Variants in SORCS3 observed in about 807,000 individuals in gnomAD.
The protein encoded by SORCS3 is sortilin related VPS10 domain containing receptor 3, also known as VPS10 domain-containing receptor SorCS3.
In SORCS3, 57 loss-of-function variants were observed where a neutral mutation model predicts 146.3. The observed-to-expected ratio is 0.39, with a 90% CI of 0.31 to 0.49. SORCS3 has a LOEUF of 0.49. Ranked by LOEUF, SORCS3 falls within the 20% of genes least tolerant of loss-of-function variation. The probability of loss-of-function intolerance (pLI) is 0.92; values close to 1 mark genes in which losing one functional copy is unlikely to be tolerated. For missense variants in SORCS3, 1,341 were observed against 1,575.5 expected (o/e 0.85, Z 2.52); for synonymous variants, 653 against 618.5 (o/e 1.06, Z -0.83).
chr10:104,687,077 C>CCATCCATG (rs2016053775), intron 1 of SORCS3, among the ~76,000 whole-genome samples: 1 of 152,272 alleles, frequency 6.6e-6, no homozygotes, highest in South Asian at 2.1e-4. Flanking sequence ...ATCCAGTCAT[C>CCATCCATG]CATCCATGCA....
chr10:105,239,347 T>C (rs1394849675), intron 20 of SORCS3, among the ~76,000 whole-genome samples: 2 of 152,198 alleles, frequency 1.3e-5, no homozygotes, highest in Non-Finnish European at 2.9e-5. Context: ...CTGGCAGCTG[T>C]TATCAAGGTA....
intron 1 of SORCS3, among the ~76,000 whole-genome samples, chr10:104,841,571 T>C (rs1296154596): frequency 2.0e-5 from 3 of 152,158 alleles, no homozygotes; most frequent in Admixed American, 6.6e-5. Context: ...ATGGGGCTGA[T>C]TGACCCCATA....
chr10:104,704,114 GT>G (rs1331420938), intron 1 of SORCS3, among the ~76,000 whole-genome samples: 1 of 150,622 alleles, frequency 6.6e-6, no homozygotes, highest in African/African-American at 2.4e-5. Context: ...CTTTTGGCCA[GT>G]TTTGGATTTG....
At chr10:104,654,779 A>G (rs1460038534) in intron 1 of SORCS3, among the ~76,000 whole-genome samples, 1 of 152,232 alleles carries the variant, frequency 6.6e-6, no homozygotes, top group Non-Finnish European at 1.5e-5. Context: ...GGAGGTACAT[A>G]ACATAAGATA....
intron 3 of SORCS3, among the ~76,000 whole-genome samples, chr10:104,925,417 T>C (rs1244316242): frequency 6.6e-6 from 1 of 152,170 alleles, no homozygotes; most frequent in Non-Finnish European, 1.5e-5. Context: ...GAATATGCAC[T>C]ACCAGAATAA....
intron 2 of SORCS3, among the ~76,000 whole-genome samples, chr10:104,883,722 G>A (rs1374678681): frequency 6.6e-6 from 1 of 152,138 alleles, no homozygotes; most frequent in East Asian, 1.9e-4. Flanking sequence ...GGAGACAGGG[G>A]TCTTTTCATT....
At chr10:105,164,634 A>G (rs928933333) in intron 12 of SORCS3, among the ~76,000 whole-genome samples, 1 of 152,176 alleles carries the variant, frequency 6.6e-6, no homozygotes, top group Non-Finnish European at 1.5e-5. Flanking sequence ...TATGTATGTA[A>G]CAGGTCCAGA....
At chr10:104,921,139 A>G (rs2019082477) in intron 3 of SORCS3, among the ~76,000 whole-genome samples, 1 of 152,188 alleles carries the variant, frequency 6.6e-6, no homozygotes, top group Non-Finnish European at 1.5e-5. Context: ...TTCCCCTTGC[A>G]TGAGATAAAC....
intron 1 of SORCS3, among the ~76,000 whole-genome samples, chr10:104,657,390 A>C (rs2015644463): frequency 6.6e-6 from 1 of 152,248 alleles, no homozygotes; most frequent in Non-Finnish European, 1.5e-5. Flanking sequence ...TAAAATCAAT[A>C]GAACTTGAGA....
chr10:104,690,830 GCAATAA>G, intron 1 of SORCS3, among the ~76,000 whole-genome samples: 1 of 48,626 alleles, frequency 2.1e-5, no homozygotes, highest in Non-Finnish European at 7.0e-5. Flanking sequence ...GACCCTGATA[GCAATAA>G]CTCAATGCTT....
At chr10:105,004,189 G>A (rs1449781448) in intron 4 of SORCS3, among the ~76,000 whole-genome samples, 3 of 152,144 alleles carry the variant, frequency 2.0e-5, no homozygotes, top group Admixed American at 6.5e-5. Flanking sequence ...GAAGCCTGGC[G>A]GGGTTGGGGC....
At chr10:105,214,365 A>AC in intron 17 of SORCS3, 77 bp from the exon 18 acceptor site, 44 of 1,432,954 alleles carry the variant, frequency 3.1e-5, no homozygotes, top group Non-Finnish European at 3.4e-5. Flanking sequence ...TTCCCTTTAT[A>AC]ACACACACAC....
chr10:105,106,402 T>A (rs76102533), intron 7 of SORCS3, among the ~76,000 whole-genome samples: 13 of 152,308 alleles, frequency 8.5e-5, no homozygotes, highest in African/African-American at 3.1e-4. Context: ...ACTTCCAAGC[T>A]CAGTGTGACT....
At chr10:104,953,072 C>T (rs1431485870) in intron 3 of SORCS3, among the ~76,000 whole-genome samples, 1 of 152,152 alleles carries the variant, frequency 6.6e-6, no homozygotes, top group Non-Finnish European at 1.5e-5. Context: ...TTGGAAACCC[C>T]ACTCTCTGAC....
intron 1 of SORCS3, among the ~76,000 whole-genome samples, chr10:104,730,841 A>G (rs1456388232): frequency 2.6e-5 from 4 of 152,190 alleles, no homozygotes; most frequent in Non-Finnish European, 5.9e-5. Context: ...TTGCCAGAAC[A>G]GTTTGGGGGA....
At chr10:105,153,842 G>A (rs539759699) in intron 9 of SORCS3, among the ~76,000 whole-genome samples, 7 of 151,996 alleles carry the variant, frequency 4.6e-5, no homozygotes, top group East Asian at 1.9e-4. Context: ...AGACCCAGGC[G>A]GGCGAATCAT....
intron 4 of SORCS3, among the ~76,000 whole-genome samples, chr10:105,026,306 G>C (rs533611760): frequency 1.3e-5 from 2 of 152,240 alleles, no homozygotes; most frequent in South Asian, 2.1e-4. Flanking sequence ...TAGACTCGCC[G>C]CTCCACTCTG....
intron 2 of SORCS3, among the ~76,000 whole-genome samples, chr10:104,879,167 G>A (rs2018606721): frequency 6.6e-6 from 1 of 152,180 alleles, no homozygotes; most frequent in East Asian, 1.9e-4. Context: ...TAAAATAACA[G>A]AAGTTTATTA....
chr10:104,890,855 C>T (rs1178831303), intron 2 of SORCS3, among the ~76,000 whole-genome samples: 1 of 152,208 alleles, frequency 6.6e-6, no homozygotes, highest in Non-Finnish European at 1.5e-5. Context: ...TTGACTAATG[C>T]TCCCAGGATG....
Sources: allele counts gnomAD v4.1 joint callset (sites outside exome capture counted in the v4.1 genomes callset), GRCh38; gene constraint gnomAD v4.1.1; transcripts MANE v1.5; gene names NCBI Gene and HGNC (gene_info 2026-07-23, HGNC 2026-07-21).